Variants in GMDS observed in about 807,000 individuals in gnomAD.
GMDS encodes the protein GDP-mannose 4,6 dehydratase.
In GMDS, 20 loss-of-function variants were observed where a neutral mutation model predicts 49.9. That is an observed-to-expected ratio of 0.40 (90% confidence interval 0.28 to 0.58). The LOEUF (loss-of-function observed/expected upper bound fraction) is 0.58. GMDS is among the 20% of genes least tolerant of loss of function. The pLI is 0.42. For missense variants in GMDS, 362 were observed against 481.4 expected (o/e 0.75, Z 2.32); for synonymous variants, 177 against 178.6 (o/e 0.99, Z 0.07).
intron 7 of GMDS, among the ~76,000 whole-genome samples, chr6:1,928,642 G>C (rs2113923416): frequency 6.6e-6 from 1 of 152,170 alleles, no homozygotes; most frequent in African/African-American, 2.4e-5. Flanking sequence ...GTCATAAAAT[G>C]CTTCTTTGTA....
chr6:1,875,193 TAAATTA>T (rs1438270098), intron 7 of GMDS, among the ~76,000 whole-genome samples: 1 of 152,188 alleles, frequency 6.6e-6, no homozygotes, highest in Non-Finnish European at 1.5e-5. Context: ...TTAATAAATT[TAAATTA>T]AGAGAACCTC....
chr6:1,793,126 CT>C (rs1238112232), intron 7 of GMDS, among the ~76,000 whole-genome samples: 2 of 152,166 alleles, frequency 1.3e-5, no homozygotes, highest in Non-Finnish European at 2.9e-5. Flanking sequence ...GTGATCTCTT[CT>C]AGTTTCAACA....
Position 1,652,392 on chromosome 6 carries a change from T to TTA in GMDS, c.988-27854_988-27853dup, listed in dbSNP as rs1554104118. On this transcript the variant is annotated intron_variant, in intron 9 of 10. Transcript: ENST00000380815. ...CGCTAAAAAAAAAAATATATATATATTATATATATATATATATTATATATA... is the reference window on the plus strand; with the variant it reads ...CGCTAAAAAAAAAAATATATATATATTATATATATATATATATATTATATATA... Among the ~76,000 whole-genome samples the TTA allele has an allele frequency of 5.2e-3, 33 of 6,288 alleles. 2 individuals are homozygous for TTA. The highest frequency in any genetic ancestry group is 8.8e-3 in the Non-Finnish European group (24 of 2,740). The allele number at this position is 6,288 out of a possible 152,430, so 4.1% of individuals were successfully genotyped here.
At chr6:1,699,875 G>A (rs1203073114) in intron 9 of GMDS, among the ~76,000 whole-genome samples, 2 of 152,180 alleles carry the variant, frequency 1.3e-5, no homozygotes, top group Non-Finnish European at 2.9e-5. Context: ...CGTCTGCTGT[G>A]ACTCCTCCCT....
At chr6:1,977,265 A>G (rs1202238454) in intron 4 of GMDS, among the ~76,000 whole-genome samples, 1 of 152,268 alleles carries the variant, frequency 6.6e-6, no homozygotes, top group Non-Finnish European at 1.5e-5. Context: ...TACTTATGAC[A>G]ATTAACTAAA....
chr6:1,691,318 A>C (rs1379282748), intron 9 of GMDS, among the ~76,000 whole-genome samples: 1 of 150,594 alleles, frequency 6.6e-6, no homozygotes, highest in African/African-American at 2.4e-5. Context: ...ATGAGAACAC[A>C]TGGACACGGG....
intron 1 of GMDS, among the ~76,000 whole-genome samples, chr6:2,224,339 A>G (rs958245821): frequency 6.6e-6 from 1 of 152,206 alleles, no homozygotes; most frequent in Admixed American, 6.5e-5. Context: ...TCTTTAATTC[A>G]GCTCTGTTGC....
At chr6:2,178,615 A>C (rs941364156) in intron 1 of GMDS, among the ~76,000 whole-genome samples, 6 of 152,168 alleles carry the variant, frequency 3.9e-5, no homozygotes, top group Admixed American at 2.6e-4. Context: ...AAACCATATC[A>C]GGCACTATGC....
Position 1,634,662 on chromosome 6 carries a change from G to A in GMDS, c.988-10122C>T, listed in dbSNP as rs541654925. Among the ~76,000 whole-genome samples, 122 of 152,300 alleles carry A rather than the reference G, an allele frequency of 8.0e-4. 2 individuals carry two copies. Among genetic ancestry groups the A allele is most frequent in the Middle Eastern group, 6.8e-3 (2 of 294 alleles). ...GGGCTTTGCTTAGAGCCACAGTGGGGTTTTAAGTGCTGGGGGCATATGCTG... is the reference window on the plus strand; with the variant it reads ...GGGCTTTGCTTAGAGCCACAGTGGGATTTTAAGTGCTGGGGGCATATGCTG... On this transcript the variant is annotated intron_variant, in intron 9 of 10. Transcript: ENST00000380815.
At chr6:1,690,257 T>C (rs1561731394) in intron 9 of GMDS, among the ~76,000 whole-genome samples, 1 of 152,228 alleles carries the variant, frequency 6.6e-6, no homozygotes, top group Non-Finnish European at 1.5e-5. Context: ...ATTTTTGCTT[T>C]TGTTGCAACT....
intron 1 of GMDS, among the ~76,000 whole-genome samples, chr6:2,141,191 G>C (rs964889645): frequency 2.6e-5 from 4 of 152,190 alleles, no homozygotes; most frequent in African/African-American, 9.7e-5. Context: ...GTGGGATCAG[G>C]TCAACAGGAA....
At chr6:2,207,978 A>G (rs541184091) in intron 1 of GMDS, among the ~76,000 whole-genome samples, 1 of 151,826 alleles carries the variant, frequency 6.6e-6, no homozygotes, top group Admixed American at 6.5e-5. Flanking sequence ...TGAAAAACCC[A>G]GTCAGGAAAG....
chr6:1,928,578 G>A (rs563648304), intron 7 of GMDS, among the ~76,000 whole-genome samples: 26 of 152,228 alleles, frequency 1.7e-4, no homozygotes, highest in South Asian at 1.4e-3. Flanking sequence ...ATTTCTAAGC[G>A]TGAACCTATA....
intron 9 of GMDS, among the ~76,000 whole-genome samples, chr6:1,650,939 T>G (rs573213150): frequency 1.5e-4 from 23 of 152,310 alleles, no homozygotes; most frequent in Non-Finnish European, 2.9e-4. Context: ...TAAAACAGTC[T>G]TGTTAGATTG....
At chr6:1,700,660 C>T (rs1344973534) in intron 9 of GMDS, among the ~76,000 whole-genome samples, 2 of 152,130 alleles carry the variant, frequency 1.3e-5, no homozygotes, top group East Asian at 1.9e-4. Flanking sequence ...GAGATGGCAA[C>T]GTGGGACAAC....
chr6:2,169,163 C>T (rs1777816273), intron 1 of GMDS, among the ~76,000 whole-genome samples: 1 of 152,166 alleles, frequency 6.6e-6, no homozygotes, highest in Admixed American at 6.5e-5. Flanking sequence ...ATTCACCCAA[C>T]ATGAGTCAGG....
intron 1 of GMDS, among the ~76,000 whole-genome samples, chr6:2,165,982 C>T (rs1455206977): frequency 2.0e-5 from 3 of 152,056 alleles, no homozygotes; most frequent in Non-Finnish European, 2.9e-5. Context: ...TAGAAGAAAT[C>T]ATCTGAAGTT....
At chr6:1,958,396 A>G (rs186058062) in intron 6 of GMDS, among the ~76,000 whole-genome samples, 2 of 152,108 alleles carry the variant, frequency 1.3e-5, no homozygotes, top group Non-Finnish European at 2.9e-5. Flanking sequence ...ACCACGACTG[A>G]GCAGACTCTG....
intron 1 of GMDS, among the ~76,000 whole-genome samples, chr6:2,217,083 C>T (rs553226795): frequency 1.7e-3 from 252 of 152,324 alleles, no homozygotes; most frequent in African/African-American, 5.5e-3. Flanking sequence ...TGGACTCGAG[C>T]TGGCTCTGCA....
Sources: allele counts gnomAD v4.1 joint callset (sites outside exome capture counted in the v4.1 genomes callset), GRCh38; gene constraint gnomAD v4.1.1; transcripts MANE v1.5; gene names NCBI Gene and HGNC (gene_info 2026-07-23, HGNC 2026-07-21).